The following OXNAD1 variants were observed in gnomAD, a reference collection of about 807,000 sequenced individuals.
The protein encoded by OXNAD1 is oxidoreductase NAD binding domain containing 1.
A neutral mutation model predicts 32.9 loss-of-function variants in OXNAD1; 34 were observed. The ratio of observed to expected loss-of-function variants is 1.03; its 90% confidence interval spans 0.79 to 1.38. OXNAD1 has a LOEUF of 1.38. Ranked by LOEUF, OXNAD1 falls within the 40% of genes most tolerant of loss-of-function variation. The probability of loss-of-function intolerance (pLI) is 0.00; values close to 1 mark genes in which losing one functional copy is unlikely to be tolerated. For missense variants in OXNAD1, 407 were observed against 379.4 expected, an observed-to-expected ratio of 1.07 and a Z score of -0.60; for synonymous variants, 134 against 135.2, an observed-to-expected ratio of 0.99 and a Z score of 0.06.
chr3:16,316,637 G>A lies in OXNAD1; in HGVS notation c.*30+13045G>A. On this transcript the variant is annotated intron_variant, in intron 9 of 9. Coordinates refer to the OXNAD1 transcript ENST00000435829. The surrounding 1 kb of genome is among the most constrained non-coding windows in gnomAD (Gnocchi z 4.5). ...CTGGGTCATTAATGACACCTTTCCA[G>A]TGGATGTGCAAAAACCAACACTGTC... The A allele has an allele frequency of 4.4e-6, 3 of 683,400 alleles. No homozygotes were observed. In the South Asian group the frequency reaches 5.2e-5, roughly 12 times the overall value. The allele number at this position is 683,400 out of a possible 1,614,324, so 42.3% of individuals were successfully genotyped here.
At chr3:16,274,513 G>C (rs112250878) in intron 4 of OXNAD1, among the ~76,000 whole-genome samples, 4,782 of 152,268 alleles carry the variant, frequency 0.031, 107 homozygotes, top group Middle Eastern at 0.082. Flanking sequence ...TGAGGATAAT[G>C]CAATAGTTAA....
At chr3:16,324,650 G>GTGTC (rs1314082054) in intron 9 of OXNAD1, among the ~76,000 whole-genome samples, 4 of 94,498 alleles carry the variant, frequency 4.2e-5, no homozygotes, top group African/African-American at 1.6e-4. Context: ...ATTCCATTGT[G>GTGTC]TGTGTGTGTG....
chr3:16,331,508 C>T (rs2070308466), intron 9 of OXNAD1, among the ~76,000 whole-genome samples: 1 of 152,176 alleles, frequency 6.6e-6, no homozygotes, highest in Non-Finnish European at 1.5e-5. Flanking sequence ...ATATAACCCT[C>T]TGTTTTTCCT....
Position 16,327,952 on chromosome 3 carries a change from C to A in OXNAD1, c.*31-9160C>A, listed in dbSNP as rs2069898279. 1.3e-5 allele frequency among the ~76,000 whole-genome samples: 2 copies of A among 152,218 alleles called. No homozygotes were observed. Among genetic ancestry groups the A allele is most frequent in the Non-Finnish European group, 2.9e-5 (2 of 68,042 alleles). On this transcript the variant is annotated intron_variant, in intron 9 of 9. Transcript: ENST00000435829. The surrounding 1 kb of genome is among the most constrained non-coding windows in gnomAD (Gnocchi z 4.2). ...CCCTGCTCTGTGTGTAACTGGACTCCTCATCCCTCATAGTTTGGCTTCTTG... is the reference window on the plus strand; with the variant it reads ...CCCTGCTCTGTGTGTAACTGGACTCATCATCCCTCATAGTTTGGCTTCTTG...
At chr3:16,326,801 G>A (rs1298772274) in intron 9 of OXNAD1, 1 of 1,614,000 alleles carries the variant, frequency 6.2e-7, no homozygotes, top group Non-Finnish European at 8.5e-7. Context: ...GGAGTTGGTA[G>A]CACACAGGTG....
At chr3:16,318,520 A>T (rs960512728) in intron 9 of OXNAD1, among the ~76,000 whole-genome samples, 2 of 152,150 alleles carry the variant, frequency 1.3e-5, no homozygotes, top group African/African-American at 4.8e-5. Flanking sequence ...AATGTTTAAA[A>T]ATCTGCCATT....
In OXNAD1 at chr3:16,317,819, C is replaced by T. The variant is rs1441094735; in HGVS notation, c.*30+14227C>T. 1.4e-5 allele frequency among the ~76,000 whole-genome samples: 2 copies of T among 139,286 alleles called. No homozygotes were observed. Among genetic ancestry groups the T allele is most frequent in the African/African-American group, 6.4e-5 (2 of 31,436 alleles). 91.4% of individuals were successfully genotyped at this position (139,286 alleles called of 152,430 possible). ...ACCTCACAGAAGGGTCACACCAGGGCAACCTACAACCAATGACTGCCCCAG... is the reference window on the plus strand; with the variant it reads ...ACCTCACAGAAGGGTCACACCAGGGTAACCTACAACCAATGACTGCCCCAG... On this transcript the variant is annotated intron_variant, in intron 9 of 9. Transcript: ENST00000435829. This position sits in a 1 kb window ranked among gnomAD's most constrained non-coding sequence, Gnocchi z 4.3.
rs1308780906 is a variant in OXNAD1 at position 16,320,672 on chromosome 3, AGAAAAGGATG to A, written c.*31-16439_*31-16430del. Among the ~76,000 whole-genome samples, 4 of 152,222 alleles carry A rather than the reference AGAAAAGGATG, an allele frequency of 2.6e-5. No individual in the cohort carries two copies. The highest frequency in any genetic ancestry group is 9.6e-5 in the African/African-American group (4 of 41,458). The stretch of plus-strand genomic sequence containing the variant: ...TATAAAAGGAGACAGCACTGTTCTG[AGAAAAGGATG>A]CTCGAGTAGAGCTAGAAAGGAGGAG... On this transcript the variant is annotated intron_variant, in intron 9 of 9. Transcript: ENST00000435829. This position sits in a 1 kb window ranked among gnomAD's most constrained non-coding sequence, Gnocchi z 4.5.
chr3:16,347,375 G>A (rs1326815138), intron 9 of OXNAD1, among the ~76,000 whole-genome samples: 3 of 152,262 alleles, frequency 2.0e-5, no homozygotes, highest in Non-Finnish European at 4.4e-5. Flanking sequence ...CTGGAAGCCA[G>A]AAGTTCAAAA....
chr3:16,325,147 G>A (rs1204839198), intron 9 of OXNAD1, among the ~76,000 whole-genome samples: 1 of 152,214 alleles, frequency 6.6e-6, no homozygotes, highest in Admixed American at 6.5e-5. Context: ...CCTATTTTGT[G>A]TAGCGGCTAG....
rs75730435 is a variant in OXNAD1, at chr3:16,289,710, A to G, written c.290+3262A>G. On this transcript the variant is annotated intron_variant, in intron 5 of 8. Coordinates refer to ENST00000285083, the MANE Select transcript of OXNAD1 (RefSeq NM_138381.5). This position sits in a 1 kb window ranked among gnomAD's most constrained non-coding sequence, Gnocchi z 4.9. ...TTTTCAAACTGTGTCCTCCCCCATT[A>G]CTCATCTGGTAAGCATTGTGTGTCT... Among the ~76,000 whole-genome samples, 4,772 of 151,984 alleles carry G rather than the reference A, an allele frequency of 0.031. 106 individuals carry two copies. The highest frequency in any genetic ancestry group is 0.082 in the Middle Eastern group (24 of 294).
At chr3:16,308,864 A>G (rs1438450969), downstream of OXNAD1, among the ~76,000 whole-genome samples, 1 of 152,236 alleles carries the variant, frequency 6.6e-6, no homozygotes, top group African/African-American at 2.4e-5. This position sits in a 1 kb window ranked among gnomAD's most constrained non-coding sequence, Gnocchi z 4.4. Context: ...ATTTGAGCAT[A>G]ACAAGATTTT....
At chr3:16,306,393 A>ATATT (rs2067562732), downstream of OXNAD1, among the ~76,000 whole-genome samples, 1 of 152,150 alleles carries the variant, frequency 6.6e-6, no homozygotes, top group Non-Finnish European at 1.5e-5. Context: ...TCTTCAGTAT[A>ATATT]TATTTCTAAC....
intron 1 of OXNAD1, among the ~76,000 whole-genome samples, chr3:16,267,383 G>A (rs2064601928): frequency 6.6e-6 from 1 of 152,092 alleles, no homozygotes; most frequent in Non-Finnish European, 1.5e-5. Flanking sequence ...CTTTTCAGTT[G>A]CTTCCCATTA....
In OXNAD1 at chr3:16,302,535, G is replaced by A. The variant is rs190881352; in HGVS notation, c.676-105G>A. On this transcript the variant is annotated intron_variant, in intron 7 of 8. Coordinates refer to ENST00000285083, the MANE Select transcript of OXNAD1 (RefSeq NM_138381.5). This position sits in a 1 kb window ranked among gnomAD's most constrained non-coding sequence, Gnocchi z 4.2. Reference sequence around the variant, plus strand: ...ATCTCTCTAAGTAGAGAGCGAGAGCGGCAGACGTGTGCAGAATGGGAGTTG... The same window carrying A: ...ATCTCTCTAAGTAGAGAGCGAGAGCAGCAGACGTGTGCAGAATGGGAGTTG... 57 of 733,826 alleles carry A rather than the reference G, an allele frequency of 7.8e-5. No individual in the cohort carries two copies. The highest frequency in any genetic ancestry group is 6.7e-4 in the East Asian group (25 of 37,040). 45.5% of individuals were successfully genotyped at this position (733,826 alleles called of 1,614,324 possible).
At position 16,314,117 on chromosome 3, in the gene OXNAD1, C is replaced by G. The variant is rs1490283668; in HGVS notation, c.*30+10525C>G. On this transcript the variant is annotated intron_variant, in intron 9 of 9. Transcript: ENST00000435829. This position sits in a 1 kb window ranked among gnomAD's most constrained non-coding sequence, Gnocchi z 4.4. ...GGTTTGCAGGACTCCCCTGCAAACC[C>G]ACTGTGACAGCTGCAGCCTCACAGA... 6.6e-6 allele frequency among the ~76,000 whole-genome samples: 1 copy of G among 151,942 alleles called. No individual in the cohort carries two copies. The highest frequency in any genetic ancestry group is 1.5e-5 in the Non-Finnish European group (1 of 67,968).
rs367893433 is a variant in OXNAD1 at position 16,287,638 on chromosome 3, G to A, written c.290+1190G>A. Among the ~76,000 whole-genome samples the A allele has an allele frequency of 9.2e-5, 14 of 152,228 alleles. No individual in the cohort carries two copies. Among genetic ancestry groups the A allele is most frequent in the South Asian group, 2.1e-4 (1 of 4,826 alleles). On this transcript the variant is annotated intron_variant, in intron 5 of 8. Transcript: ENST00000285083. The surrounding 1 kb of genome is among the most constrained non-coding windows in gnomAD (Gnocchi z 4.8). The stretch of plus-strand genomic sequence containing the variant: ...GTGTCCTGTGCAAAGCACTGTCTCC[G>A]TGCCTTCAACTCTGAATCCTGCCAA...
rs34563846 is a variant in OXNAD1, at chr3:16,332,417, C to CT, written c.*31-4683dup. The stretch of plus-strand genomic sequence containing the variant: ...GCCCTTTCTTATCTTTTGATTGCTT[C>CT]TTTTTTTTTTTTACAGCATCTTGTT... On this transcript the variant is annotated intron_variant, in intron 9 of 9. Coordinates refer to the OXNAD1 transcript ENST00000435829. 3.0e-3 allele frequency among the ~76,000 whole-genome samples: 439 copies of CT among 148,640 alleles called. 1 individual carries two copies. The highest frequency in any genetic ancestry group is 5.7e-3 in the South Asian group (27 of 4,702).
rs1297985870 is a variant in OXNAD1, at chr3:16,301,161, G to C, written c.433-465G>C. Among the ~76,000 whole-genome samples the C allele has an allele frequency of 1.3e-5, 2 of 152,208 alleles. No individual in the cohort carries two copies. The highest frequency in any genetic ancestry group is 1.3e-4 in the Admixed American group (2 of 15,278). On this transcript the variant is annotated intron_variant, in intron 6 of 8. Coordinates refer to ENST00000285083, the MANE Select transcript of OXNAD1 (RefSeq NM_138381.5). The surrounding 1 kb of genome is among the most constrained non-coding windows in gnomAD (Gnocchi z 4.1). ...CTGTGCCTTACTGAGGATCAAGAAG[G>C]AGCACCAGTACTTACACTTTTCAGC...
Sources: gnomAD v4.1 joint callset for allele counts (sites outside exome capture counted in the v4.1 genomes callset) on GRCh38, gnomAD v4.1.1 for gene constraint, Gnocchi (gnomAD v3.1) non-coding constraint, MANE v1.5 for transcripts, NCBI Gene and HGNC (gene_info 2026-07-23, HGNC 2026-07-21) for gene names.